The following ABCC4 variants were observed in gnomAD, a reference collection of about 807,000 sequenced individuals.
ABCC4 encodes the protein ATP binding cassette subfamily C member 4 (PEL blood group).
A neutral mutation model predicts 168.5 loss-of-function variants in ABCC4; 102 were observed. The ratio of observed to expected loss-of-function variants is 0.61; its 90% confidence interval spans 0.52 to 0.71. ABCC4 has a LOEUF of 0.71. Ranked by LOEUF, ABCC4 falls within the 30% of genes least tolerant of loss-of-function variation. The pLI is 0.00. For synonymous variants in ABCC4, 617 were observed against 590.7 expected (o/e 1.04, Z -0.65); for missense variants, 1,402 against 1,605.8 (o/e 0.87, Z 2.17).
At chr13:95,298,623 G>T (rs772136105) in intron 1 of ABCC4, among the ~76,000 whole-genome samples, 12 of 152,122 alleles carry the variant, frequency 7.9e-5, no homozygotes, top group Non-Finnish European at 1.6e-4. Context: ...CCAACTGCAG[G>T]TACTTTAAGA....
chr13:95,143,715 C>A (rs1449201956), intron 19 of ABCC4, among the ~76,000 whole-genome samples: 1 of 152,132 alleles, frequency 6.6e-6, no homozygotes, highest in East Asian at 1.9e-4. Context: ...TCAGAGCTAG[C>A]ACTCTCCTAA....
At chr13:95,213,779 A>G (rs1566534362) in intron 4 of ABCC4, among the ~76,000 whole-genome samples, 1 of 152,200 alleles carries the variant, frequency 6.6e-6, no homozygotes, top group Non-Finnish European at 1.5e-5. Context: ...GAAGGATTCA[A>G]TGCTAAAGGG....
intron 19 of ABCC4, among the ~76,000 whole-genome samples, chr13:95,149,736 T>C (rs1351386483): frequency 1.3e-5 from 2 of 152,218 alleles, no homozygotes; most frequent in Admixed American, 1.3e-4. Context: ...TTCAACTATA[T>C]TCCCTGTTCC....
At chr13:95,064,515 G>GTA (rs2033450357) in intron 25 of ABCC4, among the ~76,000 whole-genome samples, 1 of 22,132 alleles carries the variant, frequency 4.5e-5, no homozygotes, top group South Asian at 3.1e-3. Context: ...ATGTGTGTAT[G>GTA]TGTGTGTGTG....
chr13:95,079,138 G>A (rs1174626820), intron 21 of ABCC4, among the ~76,000 whole-genome samples: 1 of 152,148 alleles, frequency 6.6e-6, no homozygotes, highest in Non-Finnish European at 1.5e-5. Flanking sequence ...AGGGTGAGCT[G>A]GGAGGTCTGC....
chr13:95,044,146 G>T, intron 28 of ABCC4, 120 bp downstream of exon 28: 2 of 1,042,566 alleles, frequency 1.9e-6, no homozygotes, highest in Non-Finnish European at 2.7e-6. Flanking sequence ...ATTTATCCAT[G>T]TTAAAATGTT....
intron 19 of ABCC4, among the ~76,000 whole-genome samples, chr13:95,149,876 A>C (rs1380912019): frequency 3.3e-5 from 5 of 152,230 alleles, no homozygotes; most frequent in African/African-American, 4.8e-5. Flanking sequence ...AAGCAAAAGA[A>C]CATTTCTATA....
At chr13:95,133,852 T>C (rs1031891586) in intron 19 of ABCC4, among the ~76,000 whole-genome samples, 5 of 152,192 alleles carry the variant, frequency 3.3e-5, no homozygotes, top group African/African-American at 1.2e-4. Context: ...CTGCAAAGCA[T>C]TGGGTGACCC....
intron 29 of ABCC4, among the ~76,000 whole-genome samples, chr13:95,036,108 T>C (rs1303881227): frequency 6.6e-6 from 1 of 152,170 alleles, no homozygotes; most frequent in Non-Finnish European, 1.5e-5. Flanking sequence ...AAATGTGTAA[T>C]TTTACTTAAG....
intron 1 of ABCC4, among the ~76,000 whole-genome samples, chr13:95,263,902 C>A (rs1024191583): frequency 2.0e-5 from 3 of 152,098 alleles, no homozygotes; most frequent in Admixed American, 1.3e-4. Context: ...TGTAACTTTT[C>A]TTTTTAATGC....
chr13:95,206,427 A>G, intron 8 of ABCC4, 105 bp downstream of exon 8: 3 of 1,469,080 alleles, frequency 2.0e-6, no homozygotes, highest in Non-Finnish European at 2.8e-6. Flanking sequence ...TTTGGTTATG[A>G]GAGAGTTAAA....
chr13:95,116,813 T>C (rs974960346), intron 19 of ABCC4, among the ~76,000 whole-genome samples: 2 of 152,192 alleles, frequency 1.3e-5, no homozygotes, highest in East Asian at 1.9e-4. Context: ...TATACACACA[T>C]AGCCTACGTG....
intron 20 of ABCC4, among the ~76,000 whole-genome samples, chr13:95,100,335 G>A (rs190688624): frequency 5.9e-5 from 9 of 152,228 alleles, no homozygotes; most frequent in Non-Finnish European, 1.2e-4. Context: ...ACACATGCTG[G>A]GAAAAATTGG....
rs1329506002 is a variant in ABCC4, at chr13:95,160,806, T to C, written c.2455+383A>G. Among the ~76,000 whole-genome samples the C allele has an allele frequency of 2.6e-5, 4 of 152,110 alleles. No homozygotes were observed. The South Asian group carries it at 6.2e-4, about 24-fold the overall frequency. On this transcript the variant is annotated intron_variant, in intron 19 of 30. Coordinates refer to ENST00000645237, the MANE Select transcript of ABCC4 (RefSeq NM_005845.5). ...TGATTACAAAGATCCCTCTGAAAAATGGCATAACCTAACACTATGTAAACA... is the reference window on the plus strand; with the variant it reads ...TGATTACAAAGATCCCTCTGAAAAACGGCATAACCTAACACTATGTAAACA...
At chr13:95,230,296 T>A (rs2039584959) in intron 4 of ABCC4, among the ~76,000 whole-genome samples, 1 of 152,202 alleles carries the variant, frequency 6.6e-6, no homozygotes, top group African/African-American at 2.4e-5. Context: ...TTAAAGCTAG[T>A]CATGATTCAT....
intron 29 of ABCC4, among the ~76,000 whole-genome samples, chr13:95,038,222 T>C (rs570458901): frequency 9.2e-5 from 14 of 151,908 alleles, no homozygotes; most frequent in East Asian, 7.7e-4. Flanking sequence ...CCAAAACACA[T>C]TGGAGGAAAA....
chr13:95,118,724 G>A (rs1286880236), intron 19 of ABCC4, among the ~76,000 whole-genome samples: 1 of 152,138 alleles, frequency 6.6e-6, no homozygotes, highest in Non-Finnish European at 1.5e-5. Context: ...GCATCTCCAG[G>A]GATGTCGAGA....
chr13:95,261,659 A>C (rs1219395074), intron 1 of ABCC4, among the ~76,000 whole-genome samples: 1 of 152,226 alleles, frequency 6.6e-6, no homozygotes, highest in Admixed American at 6.5e-5. Flanking sequence ...CCTTATATAC[A>C]GAGTTTTACA....
chr13:95,169,678 A>G (rs2037400819), intron 14 of ABCC4, among the ~76,000 whole-genome samples: 1 of 152,070 alleles, frequency 6.6e-6, no homozygotes, highest in Non-Finnish European at 1.5e-5. Flanking sequence ...TCCAGGAAGA[A>G]TGTCAGCCCG....
Sources: gnomAD v4.1 joint callset for allele counts (sites outside exome capture counted in the v4.1 genomes callset) on GRCh38, gnomAD v4.1.1 for gene constraint, MANE v1.5 for transcripts, NCBI Gene and HGNC (gene_info 2026-07-23, HGNC 2026-07-21) for gene names.